SLX9: variants seen among roughly 807,000 people sequenced by gnomAD.
SLX9 encodes the protein ribosome biogenesis protein SLX9 homolog.
In SLX9, 19 loss-of-function variants were observed where a neutral mutation model predicts 20.8. That is an observed-to-expected ratio of 0.91 (90% CI 0.64 to 1.34). The LOEUF is 1.34. Among genes scored for constraint, SLX9 ranks in the 40% most tolerant of loss-of-function variants. SLX9 has a pLI of 0.00. For missense variants in SLX9, 299 were observed against 322.2 expected (o/e 0.93, Z 0.55); for synonymous variants, 113 against 137.1 (o/e 0.82, Z 1.23).
At chr21:44,953,684 G>A (rs2084802709) in intron 2 of SLX9, among the ~76,000 whole-genome samples, 1 of 152,208 alleles carries the variant, frequency 6.6e-6, no homozygotes, top group Non-Finnish European at 1.5e-5. Context: ...GGCCAGGTGT[G>A]GCTCAGGAGG....
At chr21:44,953,871 G>A (rs772894141) in intron 2 of SLX9, among the ~76,000 whole-genome samples, 1 of 152,196 alleles carries the variant, frequency 6.6e-6, no homozygotes, top group Non-Finnish European at 1.5e-5. Flanking sequence ...GCACCCCAAG[G>A]CCTTGCTGAA....
upstream of SLX9, chr21:44,939,976 G>A: frequency 7.5e-7 from 1 of 1,334,474 alleles, no homozygotes; most frequent in Non-Finnish European, 9.7e-7. Flanking sequence ...GGCAGCCGCG[G>A]CTCCTGTTTC....
In SLX9 at chr21:44,976,774, A is replaced by C. The variant is rs2085272350; in HGVS notation, c.664A>C (p.Met222Leu). Residue 222 changes from methionine to leucine, a missense_variant, in exon 6 of 6, where the codon ATG becomes CTG. By Grantham distance (15) the Met-to-Leu change is conservative (BLOSUM62 2). Transcript: ENST00000291634. ...CATCGGGCAGACGCTGGCCCGGCAG[A>C]TGCAGCTGGAAGATGGCGGCCAGCT... The part of the protein sequence containing the change: ...VAIGQTLARQ[M>L]QLEDGGQL 6.5e-7 allele frequency: 1 copy of C among 1,549,636 alleles called. No individual in the cohort carries two copies. The highest frequency in any genetic ancestry group is 8.7e-7 in the Non-Finnish European group (1 of 1,149,190).
intron 4 of SLX9, among the ~76,000 whole-genome samples, chr21:44,970,038 T>A (rs1209278229): frequency 6.6e-6 from 1 of 152,116 alleles, no homozygotes; most frequent in East Asian, 1.9e-4. Flanking sequence ...CACTCCACTG[T>A]ATTGGGCACA....
chr21:44,964,390 C>T lies in SLX9; in HGVS notation c.353-2644C>T, dbSNP rs116593266. ...GAAATTTCCCCTGTGGATCTGCACG[C>T]GCCACCCCACCTTGCCTTTATGAGG... On this transcript the variant is annotated intron_variant, in intron 3 of 5. Transcript: ENST00000291634. Among the ~76,000 whole-genome samples, 1,486 of 152,214 alleles carry T rather than the reference C, an allele frequency of 9.8e-3. 35 individuals carry two copies. Among genetic ancestry groups the T allele is most frequent in the African/African-American group, 0.034 (1,393 of 41,498 alleles).
chr21:44,976,450 A>G (rs2085264323), intron 5 of SLX9, among the ~76,000 whole-genome samples: 1 of 152,160 alleles, frequency 6.6e-6, no homozygotes, highest in Non-Finnish European at 1.5e-5. Flanking sequence ...GTGACACCTC[A>G]ACGGCAGACC....
chr21:44,976,927 A>G lies in SLX9; in HGVS notation c.*124A>G, dbSNP rs2085275620. The G allele has an allele frequency of 5.2e-6, 7 of 1,339,904 alleles. No homozygotes were observed. In the South Asian group the frequency reaches 9.2e-5, roughly 18 times the overall value. The allele number at this position is 1,339,904 out of a possible 1,614,324, so 83.0% of individuals were successfully genotyped here. A position where few individuals can be genotyped will look rare whatever the true frequency, so the allele number is the denominator to read the frequency against. On this transcript the variant is annotated 3_prime_UTR_variant, in exon 6 of 6. Coordinates refer to ENST00000291634, the MANE Select transcript of SLX9 (RefSeq NM_058190.4). Reference sequence around the variant, plus strand: ...TTCCCTCTGGTCGGTTGTGGGGCTCAATAAATGGCTCTGTGAACTTCCCCT... The same window carrying G: ...TTCCCTCTGGTCGGTTGTGGGGCTCGATAAATGGCTCTGTGAACTTCCCCT...
intron 2 of SLX9, among the ~76,000 whole-genome samples, chr21:44,949,207 CGCTCCT>C (rs922396924): frequency 8.5e-5 from 13 of 152,172 alleles, no homozygotes; most frequent in Admixed American, 7.2e-4. Context: ...TGCTTGCTCC[CGCTCCT>C]GCTGGCTCTG....
chr21:44,973,314 C>T (rs775926723), intron 5 of SLX9, 49 bp downstream of exon 5: 2 of 1,589,152 alleles, frequency 1.3e-6, no homozygotes, highest in African/African-American at 1.3e-5. Flanking sequence ...TGAGTGCCCT[C>T]ACCCTGCCCA....
intron 2 of SLX9, among the ~76,000 whole-genome samples, chr21:44,953,507 G>T (rs1047924762): frequency 6.6e-6 from 1 of 151,974 alleles, no homozygotes; most frequent in Non-Finnish European, 1.5e-5. Flanking sequence ...CGGCGGTGGG[G>T]CCCTGCATCC....
rs755545736 is a variant in SLX9, at chr21:44,943,805, C to T, written c.251C>T (p.Ser84Leu). Reference sequence around the variant, plus strand: ...TCCGTCAGGAGAGGTGAGGCAGGCTCGAGTGCACGGAGCGTCCCTTCCATC... The same window carrying T: ...TCCGTCAGGAGAGGTGAGGCAGGCTTGAGTGCACGGAGCGTCCCTTCCATC... Reference protein sequence around the residue: ...VTSVRRGEAGSSARSVPSIRR... With the variant: ...VTSVRRGEAGLSARSVPSIRR... The change falls in exon 2 of 6, where the codon TCG (serine) becomes TTG (leucine). Residue 84 changes from serine to leucine, a missense_variant. Ser to Leu is a moderately radical substitution (Grantham distance 145). Transcript: ENST00000291634. The T allele has an allele frequency of 2.3e-5, 37 of 1,612,940 alleles. No individual in the cohort carries two copies. Among genetic ancestry groups the T allele is most frequent in the South Asian group, 5.5e-5 (5 of 90,252 alleles).
At chr21:44,949,591 C>T (rs1212980343) in intron 2 of SLX9, among the ~76,000 whole-genome samples, 1 of 152,136 alleles carries the variant, frequency 6.6e-6, no homozygotes, top group Middle Eastern at 3.2e-3. Flanking sequence ...ACGCCGGGCA[C>T]AGGGCACCCA....
upstream of SLX9, chr21:44,940,017 C>T: frequency 7.2e-7 from 1 of 1,388,824 alleles, no homozygotes; most frequent in Admixed American, 3.7e-5. Flanking sequence ...GGACCAGCTT[C>T]CGGGAGGCGC....
chr21:44,975,327 G>A (rs549838707), intron 5 of SLX9, among the ~76,000 whole-genome samples: 3 of 152,340 alleles, frequency 2.0e-5, no homozygotes, highest in Non-Finnish European at 4.4e-5. Context: ...CCAAGGAAGG[G>A]CTTTTCTCTC....
At chr21:44,944,387 G>T (rs1048524153) in intron 2 of SLX9, among the ~76,000 whole-genome samples, 10 of 152,136 alleles carry the variant, frequency 6.6e-5, no homozygotes, top group African/African-American at 2.4e-4. Flanking sequence ...GAGGGTCTGG[G>T]AACTCCCACT....
chr21:44,944,001 T>G (rs1460369343), intron 2 of SLX9, among the ~76,000 whole-genome samples, 164 bp downstream of exon 2: 1 of 152,182 alleles, frequency 6.6e-6, no homozygotes, highest in African/African-American at 2.4e-5. Context: ...CAGAGTAGAT[T>G]ACAGCTGTGG....
chr21:44,964,649 T>C (rs892433993), intron 3 of SLX9, among the ~76,000 whole-genome samples: 1 of 152,222 alleles, frequency 6.6e-6, no homozygotes, highest in Non-Finnish European at 1.5e-5. Flanking sequence ...ACCACACACA[T>C]GTCCCACTTG....
intron 5 of SLX9, among the ~76,000 whole-genome samples, chr21:44,976,365 C>CT (rs1488189530): frequency 6.6e-6 from 1 of 152,174 alleles, no homozygotes; most frequent in Non-Finnish European, 1.5e-5. Flanking sequence ...AGGAGTGAGT[C>CT]TGCAGGGCTT....
intron 1 of SLX9, among the ~76,000 whole-genome samples, chr21:44,942,731 A>AGAGG (rs1438490208): frequency 6.6e-6 from 1 of 152,140 alleles, no homozygotes; most frequent in Admixed American, 6.6e-5. Context: ...TGCTTCTTTG[A>AGAGG]GAGGGTGAGA....
Sources: allele counts gnomAD v4.1 joint callset (sites outside exome capture counted in the v4.1 genomes callset), GRCh38; gene constraint gnomAD v4.1.1; transcripts MANE v1.5; gene names NCBI Gene and HGNC (gene_info 2026-07-23, HGNC 2026-07-21).